GALNT1: variants seen among roughly 807,000 people sequenced by gnomAD.
The protein encoded by GALNT1 is polypeptide N-acetylgalactosaminyltransferase 1.
GALNT1 carries 17 observed loss-of-function variants against 65.7 expected under a neutral mutation model. The observed-to-expected ratio is 0.26, with a 90% CI of 0.18 to 0.39. The LOEUF (loss-of-function observed/expected upper bound fraction) is 0.39. Ranked by LOEUF, GALNT1 falls within the 10% of genes least tolerant of loss-of-function variation. The pLI is 1.00. For synonymous variants in GALNT1, 210 were observed against 219.7 expected, an observed-to-expected ratio of 0.96 and a Z score of 0.39; for missense variants, 460 against 672.8, an observed-to-expected ratio of 0.68 and a Z score of 3.50.
At chr18:35,587,345 C>G (rs2046389365) in intron 1 of GALNT1, among the ~76,000 whole-genome samples, 1 of 152,124 alleles carries the variant, frequency 6.6e-6, no homozygotes, top group Non-Finnish European at 1.5e-5. Flanking sequence ...CTTTTTCTTG[C>G]CTTTTCTTGC....
At position 35,683,539 on chromosome 18, in the gene GALNT1, C is replaced by T. The variant is rs2047817871; in HGVS notation, c.630C>T (p.Ala210=). 1.9e-6 allele frequency: 3 copies of T among 1,613,648 alleles called. No homozygotes were observed. Among genetic ancestry groups the T allele is most frequent in the Non-Finnish European group, 2.5e-6 (3 of 1,179,820 alleles). Residue 210 remains alanine, a synonymous_variant, in exon 5 of 12, where the codon GCC becomes GCT. Coordinates refer to ENST00000269195, the MANE Select transcript of GALNT1 (RefSeq NM_020474.4). The part of the protein sequence containing the change: ...SKGQVITFLD[A]HCECTVGWLE... ...GCCAAGTGATCACCTTCCTGGATGC[C>T]CATTGTGAGTGTACAGTGGGATGGC...
intron 1 of GALNT1, among the ~76,000 whole-genome samples, chr18:35,586,461 T>G (rs909376113): frequency 1.3e-5 from 2 of 152,204 alleles, no homozygotes; most frequent in Non-Finnish European, 2.9e-5. Flanking sequence ...GTTTATTTTT[T>G]TATGGATCAT....
intron 2 of GALNT1, among the ~76,000 whole-genome samples, chr18:35,660,332 T>G (rs2144434324): frequency 6.6e-6 from 1 of 152,276 alleles, no homozygotes; most frequent in East Asian, 1.9e-4. Context: ...GTTAATCTTA[T>G]TTGGGGGCTT....
chr18:35,665,423 A>G (rs982928338), intron 3 of GALNT1, among the ~76,000 whole-genome samples: 9 of 152,194 alleles, frequency 5.9e-5, no homozygotes, highest in African/African-American at 1.9e-4. Context: ...TCTCAAAAAG[A>G]ATTTTAAAAA....
intron 1 of GALNT1, among the ~76,000 whole-genome samples, chr18:35,604,328 G>A (rs1221018452): frequency 6.6e-6 from 1 of 152,050 alleles, no homozygotes; most frequent in African/African-American, 2.4e-5. Flanking sequence ...GCTGATGATG[G>A]GCATCTAGAT....
intron 1 of GALNT1, among the ~76,000 whole-genome samples, chr18:35,593,335 C>T (rs1417123129): frequency 1.3e-5 from 2 of 152,004 alleles, no homozygotes; most frequent in African/African-American, 2.4e-5. Context: ...TTAGCAGAGG[C>T]GGAAGAGCAG....
intron 1 of GALNT1, among the ~76,000 whole-genome samples, chr18:35,629,869 A>C (rs2046980592): frequency 6.6e-6 from 1 of 152,238 alleles, no homozygotes; most frequent in Admixed American, 6.5e-5. Context: ...AAGATCCACC[A>C]AGCAAATGGA....
intron 8 of GALNT1, 111 bp downstream of exon 8, chr18:35,691,303 C>T (rs1777252860): frequency 6.2e-6 from 5 of 809,948 alleles, no homozygotes; most frequent in Non-Finnish European, 9.4e-6. Context: ...GAACACCTGC[C>T]TCATAAGGTC....
chr18:35,595,009 A>G lies in GALNT1; in HGVS notation c.-104+13147A>G, dbSNP rs116406175. Among the ~76,000 whole-genome samples the G allele has an allele frequency of 9.3e-3, 1,413 of 152,220 alleles. 22 individuals are homozygous for G. Among genetic ancestry groups the G allele is most frequent in the African/African-American group, 0.032 (1,346 of 41,508 alleles). Reference sequence around the variant, plus strand: ...GGAAGATGGTAACTCTAGTGTTGAAATCAACTCATTAGGGGAGGCTAGATG... The same window carrying G: ...GGAAGATGGTAACTCTAGTGTTGAAGTCAACTCATTAGGGGAGGCTAGATG... On this transcript the variant is annotated intron_variant, in intron 1 of 11. Transcript: ENST00000269195.
At chr18:35,582,274 C>T (rs1380621958) in intron 1 of GALNT1, among the ~76,000 whole-genome samples, 2 of 152,164 alleles carry the variant, frequency 1.3e-5, no homozygotes, top group Non-Finnish European at 2.9e-5. Flanking sequence ...GGGGGCTTCC[C>T]GGCCCGCTGC....
At chr18:35,618,694 A>T (rs897045938) in intron 1 of GALNT1, among the ~76,000 whole-genome samples, 13 of 152,056 alleles carry the variant, frequency 8.5e-5, no homozygotes, top group African/African-American at 3.1e-4. Context: ...TTCCTATTAC[A>T]TTGTTAAGTA....
chr18:35,661,828 T>C (rs1310833661), intron 2 of GALNT1, among the ~76,000 whole-genome samples: 1 of 152,170 alleles, frequency 6.6e-6, no homozygotes, highest in Non-Finnish European at 1.5e-5. Flanking sequence ...ATACTCTTCA[T>C]TTAAAAACTG....
At chr18:35,581,460 C>A (rs2046311981), upstream of GALNT1, among the ~76,000 whole-genome samples, 1 of 146,130 alleles carries the variant, frequency 6.8e-6, no homozygotes, top group African/African-American at 2.5e-5. Flanking sequence ...CCGCCTCCCC[C>A]GCGCAGCCGC....
At position 35,663,765 on chromosome 18, in the gene GALNT1, G is replaced by A. The variant is rs1469645315; in HGVS notation, c.277G>A (p.Ala93Thr). ...CAATTTAATGGCAAGTGAGATGATT[G>A]CACTCAACAGATCTTTACCAGATGT... ...QFNLMASEMI[A>T]LNRSLPDVRL... The change falls in exon 3 of 12, where the codon GCA (alanine) becomes ACA (threonine). Residue 93 changes from alanine (A) to threonine (T), a missense_variant. By Grantham distance (58) the Ala-to-Thr change is moderately conservative. Transcript: ENST00000269195. The A allele has an allele frequency of 1.2e-6, 2 of 1,613,914 alleles. No homozygotes were observed. The highest frequency in any genetic ancestry group is 2.2e-5 in the East Asian group (1 of 44,862).
At chr18:35,591,087 G>C (rs1384276353) in intron 1 of GALNT1, among the ~76,000 whole-genome samples, 1 of 152,190 alleles carries the variant, frequency 6.6e-6, no homozygotes, top group African/African-American at 2.4e-5. Flanking sequence ...AGAAAGTAGA[G>C]GGAAGAAAAG....
At chr18:35,666,381 A>G (rs2047549383) in intron 3 of GALNT1, among the ~76,000 whole-genome samples, 1 of 152,218 alleles carries the variant, frequency 6.6e-6, no homozygotes, top group South Asian at 2.1e-4. Flanking sequence ...CTTAATTTGT[A>G]AAGATTTTTC....
At chr18:35,599,015 C>T (rs1334874275) in intron 1 of GALNT1, among the ~76,000 whole-genome samples, 4 of 130,516 alleles carry the variant, frequency 3.1e-5, no homozygotes, top group African/African-American at 5.6e-5. Flanking sequence ...TTTTCATGTA[C>T]GTGTTGGCTA....
intron 2 of GALNT1, 31 bp downstream of exon 2, chr18:35,654,832 AACT>A (rs1370780252): frequency 6.8e-7 from 1 of 1,471,096 alleles, no homozygotes; most frequent in East Asian, 2.6e-5. Context: ...GAGCTGTTTT[AACT>A]ACTATATCAC....
rs561401968 is a variant in GALNT1 at position 35,588,927 on chromosome 18, A to G, written c.-104+7065A>G. On this transcript the variant is annotated intron_variant, in intron 1 of 11. Coordinates refer to ENST00000269195, the MANE Select transcript of GALNT1 (RefSeq NM_020474.4). ...CTGCCTCCTGATGTCTTTTTCATTC[A>G]GTTTGAGTTCATCCTGGCTCTTGGT... Among the ~76,000 whole-genome samples the G allele has an allele frequency of 4.5e-4, 68 of 152,126 alleles. 1 individual carries two copies. The highest frequency in any genetic ancestry group is 1.5e-3 in the African/African-American group (63 of 41,504).
Sources: allele counts gnomAD v4.1 joint callset (sites outside exome capture counted in the v4.1 genomes callset), GRCh38; gene constraint gnomAD v4.1.1; transcripts MANE v1.5; gene names NCBI Gene and HGNC (gene_info 2026-07-23, HGNC 2026-07-21).